CNNM2: variants seen among roughly 807,000 people sequenced by gnomAD.
CNNM2 encodes metal transporter CNNM2.
In CNNM2, 12 loss-of-function variants were observed where a neutral mutation model predicts 66.9. The observed-to-expected ratio is 0.18, with a 90% confidence interval of 0.11 to 0.29. CNNM2 has a LOEUF of 0.29. CNNM2 is among the 10% of genes least tolerant of loss of function. CNNM2 has a pLI of 1.00. For synonymous variants in CNNM2, 557 were observed against 501.8 expected, an observed-to-expected ratio of 1.11 and a Z score of -1.47; for missense variants, 705 against 1,167.7, an observed-to-expected ratio of 0.60 and a Z score of 5.77.
chr10:102,934,359 C>T (rs2134170281), intron 1 of CNNM2, among the ~76,000 whole-genome samples: 1 of 149,766 alleles, frequency 6.7e-6, no homozygotes, highest in East Asian at 2.0e-4. Flanking sequence ...CTGCTCACTG[C>T]AAACTCTGCC....
At chr10:102,993,364 T>C (rs1221203184) in intron 1 of CNNM2, among the ~76,000 whole-genome samples, 1 of 152,234 alleles carries the variant, frequency 6.6e-6, no homozygotes, top group Non-Finnish European at 1.5e-5. Flanking sequence ...GGGAAGAAGA[T>C]TAAGACTTTT....
At chr10:103,033,706 C>T (rs1047099491) in intron 1 of CNNM2, among the ~76,000 whole-genome samples, 3 of 152,034 alleles carry the variant, frequency 2.0e-5, no homozygotes, top group Admixed American at 6.5e-5. Flanking sequence ...AGGCTGGTCT[C>T]GAACTCCTAA....
chr10:103,076,930 C>A, intron 7 of CNNM2, 41 bp from the exon 8 acceptor site: 1 of 1,560,398 alleles, frequency 6.4e-7, no homozygotes, highest in Non-Finnish European at 8.8e-7. Flanking sequence ...TAAAAATAAG[C>A]ATTATCTTGG....
intron 1 of CNNM2, among the ~76,000 whole-genome samples, chr10:102,990,255 C>T (rs555193577): frequency 9.6e-4 from 146 of 152,238 alleles, no homozygotes; most frequent in African/African-American, 3.2e-3. Flanking sequence ...TGTGAGCCAC[C>T]GCGCCCGGTT....
In CNNM2 at chr10:103,083,909, T is replaced by G. The variant is rs1554908110; in HGVS notation, c.*6729T>G. 6.6e-6 allele frequency: 1 copy of G among 152,236 alleles called. No homozygotes were observed. Among genetic ancestry groups the G allele is most frequent in the Non-Finnish European group, 1.5e-5 (1 of 68,054 alleles). 9.4% of individuals were successfully genotyped at this position (152,236 alleles called of 1,614,324 possible). On this transcript the variant is annotated 3_prime_UTR_variant, in exon 8 of 8. Coordinates refer to ENST00000369878, the MANE Select transcript of CNNM2 (RefSeq NM_017649.5). ...TCGGAGCAGGCATGGATAGTCACTT[T>G]CAAGTGGAAAACATCCGGCCTGAGT... is the stretch of plus-strand genomic sequence containing the variant.
At chr10:102,931,899 C>T (rs1004486230) in intron 1 of CNNM2, among the ~76,000 whole-genome samples, 6 of 149,670 alleles carry the variant, frequency 4.0e-5, no homozygotes, top group Middle Eastern at 3.6e-3. Flanking sequence ...GGTATCTCAT[C>T]GTGGTTTTGA....
At chr10:102,947,247 G>T (rs1846648882) in intron 1 of CNNM2, among the ~76,000 whole-genome samples, 2 of 151,892 alleles carry the variant, frequency 1.3e-5, no homozygotes, top group South Asian at 4.2e-4. Context: ...CCTATAAAGG[G>T]TTCAGTTTTA....
At chr10:102,929,617 A>G (rs1435184799) in intron 1 of CNNM2, among the ~76,000 whole-genome samples, 1 of 152,196 alleles carries the variant, frequency 6.6e-6, no homozygotes. Context: ...CCTTAGAGTA[A>G]GAATACTGTG....
chr10:103,019,792 A>G (rs753349403), intron 1 of CNNM2, among the ~76,000 whole-genome samples: 2 of 152,252 alleles, frequency 1.3e-5, no homozygotes, highest in African/African-American at 2.4e-5. Context: ...TTAGATATGC[A>G]TAAATTGAAC....
chr10:103,030,776 A>G (rs1022261301), intron 1 of CNNM2, among the ~76,000 whole-genome samples: 2 of 152,234 alleles, frequency 1.3e-5, no homozygotes, highest in African/African-American at 4.8e-5. Context: ...TTAGGTACCA[A>G]TATGTCATAG....
At chr10:102,953,997 C>G (rs1483028335) in intron 1 of CNNM2, among the ~76,000 whole-genome samples, 1 of 152,146 alleles carries the variant, frequency 6.6e-6, no homozygotes, top group African/African-American at 2.4e-5. Flanking sequence ...CTCAGAAAGG[C>G]CAAATCACTT....
intron 1 of CNNM2, among the ~76,000 whole-genome samples, chr10:103,046,623 C>G (rs983014938): frequency 1.3e-5 from 2 of 152,126 alleles, no homozygotes; most frequent in African/African-American, 4.8e-5. Flanking sequence ...CCATTGCTTG[C>G]TAATATAGTG....
chr10:102,978,125 G>T (rs1222705971), intron 1 of CNNM2, among the ~76,000 whole-genome samples: 1 of 151,610 alleles, frequency 6.6e-6, no homozygotes, highest in Non-Finnish European at 1.5e-5. Flanking sequence ...TGGCCAGGCT[G>T]GTCTCAAACT....
intron 1 of CNNM2, among the ~76,000 whole-genome samples, chr10:102,937,484 C>G (rs1433069393): frequency 6.6e-6 from 1 of 152,142 alleles, no homozygotes; most frequent in Non-Finnish European, 1.5e-5. Flanking sequence ...GTTTTGGAAA[C>G]TGGTGCTTCC....
chr10:103,057,252 G>A (rs1351288401), intron 4 of CNNM2, among the ~76,000 whole-genome samples: 1 of 152,126 alleles, frequency 6.6e-6, no homozygotes, highest in African/African-American at 2.4e-5. Flanking sequence ...AGGATTGCTT[G>A]AGGCCAGAAG....
chr10:102,934,231 T>C (rs757589174), intron 1 of CNNM2, among the ~76,000 whole-genome samples: 23 of 151,918 alleles, frequency 1.5e-4, no homozygotes, highest in Admixed American at 1.4e-3. Context: ...TATGCCTGGC[T>C]GGAGCTTAGG....
At chr10:102,952,091 C>T (rs1269583529) in intron 1 of CNNM2, among the ~76,000 whole-genome samples, 1 of 152,024 alleles carries the variant, frequency 6.6e-6, no homozygotes, top group Non-Finnish European at 1.5e-5. Context: ...GCGTGAGCCA[C>T]CACGCCCGGC....
At chr10:103,023,142 C>G (rs1419386386) in intron 1 of CNNM2, among the ~76,000 whole-genome samples, 1 of 152,156 alleles carries the variant, frequency 6.6e-6, no homozygotes, top group Non-Finnish European at 1.5e-5. Flanking sequence ...TGGACTGAAG[C>G]AATTCACCTG....
At chr10:103,061,512 T>C (rs1009799377) in intron 4 of CNNM2, among the ~76,000 whole-genome samples, 5 of 151,750 alleles carry the variant, frequency 3.3e-5, no homozygotes, top group African/African-American at 1.2e-4. Flanking sequence ...ATTGATGTGA[T>C]AAAAGGAAAA....
Sources: gnomAD v4.1 joint callset for allele counts (sites outside exome capture counted in the v4.1 genomes callset) on GRCh38, gnomAD v4.1.1 for gene constraint, MANE v1.5 for transcripts, NCBI Gene and HGNC (gene_info 2026-07-23, HGNC 2026-07-21) for gene names.